The following NRXN3 variants were observed in gnomAD, a reference collection of about 807,000 sequenced individuals.
NRXN3 encodes the protein neurexin 3, also known as neurexin III.
Under a neutral mutation model 137.6 loss-of-function variants are expected in NRXN3, and 32 were observed. The ratio of observed to expected loss-of-function variants is 0.23; its 90% CI spans 0.18 to 0.31. The LOEUF is 0.31. NRXN3 is among the 10% of genes least tolerant of loss of function. NRXN3 has a pLI of 1.00. For missense variants in NRXN3, 1,574 were observed against 2,062.5 expected, an observed-to-expected ratio of 0.76 and a Z score of 4.59; for synonymous variants, 798 against 784.5, an observed-to-expected ratio of 1.02 and a Z score of -0.29.
chr14:78,295,785 T>C (rs2076254949), intron 3 of NRXN3, among the ~76,000 whole-genome samples: 1 of 152,178 alleles, frequency 6.6e-6, no homozygotes, highest in Admixed American at 6.5e-5. Context: ...TTGGGAAGCA[T>C]ATAAGATAAA....
intron 14 of NRXN3, among the ~76,000 whole-genome samples, chr14:78,972,045 AT>A (rs758371537): frequency 1.3e-5 from 2 of 152,194 alleles, no homozygotes; most frequent in Non-Finnish European, 2.9e-5. Context: ...ATTAAGTGCA[AT>A]TTCTGGGCAA....
chr14:78,983,918 C>G (rs2153054469), intron 14 of NRXN3, among the ~76,000 whole-genome samples: 1 of 145,610 alleles, frequency 6.9e-6, no homozygotes, highest in African/African-American at 2.5e-5. Flanking sequence ...TTTGCAACAA[C>G]ATGGATGAAC....
intron 4 of NRXN3, among the ~76,000 whole-genome samples, chr14:78,628,552 G>A (rs1012497116): frequency 6.6e-6 from 1 of 152,202 alleles, no homozygotes; most frequent in African/African-American, 2.4e-5. Flanking sequence ...TATTGAGTGA[G>A]TGGGTAACTT....
chr14:78,752,318 A>G (rs944959236), intron 8 of NRXN3, among the ~76,000 whole-genome samples: 1 of 152,228 alleles, frequency 6.6e-6, no homozygotes, highest in African/African-American at 2.4e-5. Flanking sequence ...CGGGAGGCTG[A>G]GGCACCAGAA....
rs939674659 is a variant in NRXN3, at chr14:79,810,069, T to C, written c.4093+4879T>C. ...AGAATTCCCATCTTTGGAAATAGAG[T>C]AATAGTGAAAACAAATGTATTCTTG... On this transcript the variant is annotated intron_variant, in intron 20 of 20. Coordinates refer to ENST00000335750, the MANE Select transcript of NRXN3 (RefSeq NM_001330195.2). Among the ~76,000 whole-genome samples, 5 of 152,120 alleles carry C rather than the reference T, an allele frequency of 3.3e-5. No individual in the cohort carries two copies. In the East Asian group the frequency reaches 5.8e-4, roughly 18 times the overall value.
intron 20 of NRXN3, among the ~76,000 whole-genome samples, chr14:79,818,134 A>G (rs946299788): frequency 1.4e-5 from 2 of 146,218 alleles, no homozygotes; most frequent in Admixed American, 7.1e-5. Flanking sequence ...GCTCACTGCA[A>G]GCTCCGCCTC....
At chr14:79,504,286 T>A (rs2096852055) in intron 16 of NRXN3, among the ~76,000 whole-genome samples, 1 of 152,194 alleles carries the variant, frequency 6.6e-6, no homozygotes. Flanking sequence ...TGTTATTCTC[T>A]GACAGATTGT....
At chr14:78,235,485 A>G (rs973172814) in intron 1 of NRXN3, among the ~76,000 whole-genome samples, 3 of 152,054 alleles carry the variant, frequency 2.0e-5, no homozygotes, top group Admixed American at 2.0e-4. Flanking sequence ...GCTGAAGTCC[A>G]TATATAACTC....
At chr14:78,808,572 C>T (rs1320384871) in intron 9 of NRXN3, among the ~76,000 whole-genome samples, 1 of 152,134 alleles carries the variant, frequency 6.6e-6, no homozygotes, top group Admixed American at 6.5e-5. Context: ...TTCCAGTCCT[C>T]ACCAGGGGCA....
chr14:79,546,082 C>T (rs573268330), intron 16 of NRXN3, among the ~76,000 whole-genome samples: 52 of 152,260 alleles, frequency 3.4e-4, no homozygotes, highest in Non-Finnish European at 5.7e-4. Context: ...GTGACTTGCT[C>T]CTCCTTGCCT....
intron 15 of NRXN3, among the ~76,000 whole-genome samples, chr14:79,125,559 C>G (rs2056260612): frequency 6.6e-6 from 1 of 152,182 alleles, no homozygotes; most frequent in South Asian, 2.1e-4. Context: ...ACTCCAGTTC[C>G]TGCTCTCACA....
chr14:78,540,756 C>A (rs1431190401), intron 4 of NRXN3, among the ~76,000 whole-genome samples: 1 of 152,118 alleles, frequency 6.6e-6, no homozygotes, highest in South Asian at 2.1e-4. Context: ...TGGCTGGTAC[C>A]AGTTGTCTCT....
intron 4 of NRXN3, among the ~76,000 whole-genome samples, chr14:78,330,556 C>CATTAAT (rs1176573024): frequency 2.6e-5 from 4 of 152,140 alleles, no homozygotes; most frequent in Non-Finnish European, 5.9e-5. Flanking sequence ...CAGAGCTAAT[C>CATTAAT]TAAAACTCAG....
At chr14:78,850,481 A>G (rs1255951733) in intron 10 of NRXN3, among the ~76,000 whole-genome samples, 1 of 151,920 alleles carries the variant, frequency 6.6e-6, no homozygotes, top group African/African-American at 2.4e-5. Flanking sequence ...TTAAATAGAA[A>G]GGTAAAATGT....
At chr14:78,814,224 G>A (rs1159356301) in intron 10 of NRXN3, among the ~76,000 whole-genome samples, 1 of 152,138 alleles carries the variant, frequency 6.6e-6, no homozygotes, top group Non-Finnish European at 1.5e-5. Flanking sequence ...AATACATATA[G>A]TTCTAGCTTA....
At chr14:78,642,800 A>C (rs2097648436) in intron 4 of NRXN3, among the ~76,000 whole-genome samples, 1 of 152,204 alleles carries the variant, frequency 6.6e-6, no homozygotes, top group Non-Finnish European at 1.5e-5. Context: ...ACATTTGGGG[A>C]GTGGATAGAA....
intron 10 of NRXN3, among the ~76,000 whole-genome samples, chr14:78,926,231 T>TA (rs2099290105): frequency 1.3e-5 from 2 of 152,028 alleles, no homozygotes; most frequent in South Asian, 4.1e-4. Flanking sequence ...TTCCTACATA[T>TA]ACCTATGATA....
chr14:79,361,921 A>G (rs986452032), intron 15 of NRXN3, among the ~76,000 whole-genome samples: 2 of 151,760 alleles, frequency 1.3e-5, no homozygotes, highest in African/African-American at 2.4e-5. Flanking sequence ...GCTATAATTT[A>G]CTTTCAGTGC....
intron 14 of NRXN3, among the ~76,000 whole-genome samples, chr14:78,985,566 G>A (rs1359203541): frequency 6.6e-6 from 1 of 152,144 alleles, no homozygotes; most frequent in East Asian, 1.9e-4. Context: ...GGCAGTTAGA[G>A]GGAAGGCGAA....
Sources: gnomAD v4.1 joint callset for allele counts (sites outside exome capture counted in the v4.1 genomes callset) on GRCh38, gnomAD v4.1.1 for gene constraint, MANE v1.5 for transcripts, NCBI Gene and HGNC (gene_info 2026-07-23, HGNC 2026-07-21) for gene names.